The following ELAVL2 variants were observed in gnomAD, a reference collection of about 807,000 sequenced individuals.
The protein encoded by ELAVL2 is ELAV-like protein 2.
Under a neutral mutation model 34.6 loss-of-function variants are expected in ELAVL2, and 4 were observed. That is an observed-to-expected ratio of 0.12 (90% CI 0.06 to 0.26). The LOEUF is 0.26. Among genes scored for constraint, ELAVL2 ranks in the 10% least tolerant of loss-of-function variants. The pLI is 1.00. For synonymous variants in ELAVL2, 193 were observed against 154.8 expected (o/e 1.25, Z -1.83); for missense variants, 432 against 442.8 (o/e 0.98, Z 0.22).
At chr9:23,763,783 G>C (rs1262455999) in intron 1 of ELAVL2, among the ~76,000 whole-genome samples, 1 of 152,004 alleles carries the variant, frequency 6.6e-6, no homozygotes, top group Non-Finnish European at 1.5e-5. Context: ...AAAAACATGA[G>C]GCAAAATCCA....
chr9:23,710,400 C>A (rs2040602064), intron 3 of ELAVL2, among the ~76,000 whole-genome samples: 1 of 152,188 alleles, frequency 6.6e-6, no homozygotes, highest in South Asian at 2.1e-4. Flanking sequence ...TGCTTTCGTC[C>A]AAACACACAA....
At chr9:23,832,280 A>C in the ELAVL2 span, 1 of 152,178 alleles carries the variant, frequency 6.6e-6, no homozygotes, top group African/African-American at 2.4e-5. Flanking sequence ...TACAGGAATA[A>C]CAGTTATTTT....
At chr9:23,783,945 A>C (rs1272409273) in intron 1 of ELAVL2, among the ~76,000 whole-genome samples, 1 of 151,834 alleles carries the variant, frequency 6.6e-6, no homozygotes, top group Non-Finnish European at 1.5e-5. Context: ...CTGTAATCCC[A>C]GCACTTTGGG....
chr9:23,729,498 A>AT (rs1410447778), intron 3 of ELAVL2, among the ~76,000 whole-genome samples: 7 of 152,172 alleles, frequency 4.6e-5, no homozygotes, highest in African/African-American at 1.7e-4. Flanking sequence ...GCAGAGAAAT[A>AT]TAGATAACGA....
intron 1 of ELAVL2, among the ~76,000 whole-genome samples, chr9:23,775,719 C>A (rs1056506786): frequency 6.6e-6 from 1 of 152,138 alleles, no homozygotes; most frequent in African/African-American, 2.4e-5. Flanking sequence ...TCCACATGCC[C>A]AGCACCCCCG....
intron 1 of ELAVL2, among the ~76,000 whole-genome samples, chr9:23,808,906 T>C (rs1197601874): frequency 2.0e-5 from 3 of 152,146 alleles, no homozygotes; most frequent in Non-Finnish European, 4.4e-5. Context: ...CATAGGGAAC[T>C]GGGGAGCTAC....
intron 1 of ELAVL2, among the ~76,000 whole-genome samples, chr9:23,810,435 TACA>T (rs1316881310): frequency 6.6e-6 from 1 of 152,032 alleles, no homozygotes; most frequent in African/African-American, 2.4e-5. Flanking sequence ...ATAATCCTGG[TACA>T]ACAACCCCAC....
upstream of ELAVL2, chr9:23,830,302 A>T (rs2065457174): frequency 6.6e-6 from 1 of 152,146 alleles, no homozygotes; most frequent in African/African-American, 2.4e-5. Context: ...CTATTTTGCG[A>T]AAGATTCTTT....
rs147394347 is a variant in ELAVL2 at position 23,701,452 on chromosome 9, T to A, written c.640A>T (p.Ile214Phe). The change falls in exon 5 of 7, where the codon ATC (isoleucine) becomes TTC (phenylalanine). Residue 214 changes from isoleucine (I) to phenylalanine (F), a missense_variant. Physicochemically the swap from Ile to Phe is conservative, Grantham distance 21. Transcript: ENST00000397312. ...GGAGACTGGTACAGCTGGGAAAGGA[T>A]GGCCTGATTGGTTTTTTGGCTTGGG... ...NNPSQKTNQA[I>F]LSQLYQSPNR... 3.1e-6 allele frequency: 5 copies of A among 1,614,132 alleles called. No individual in the cohort carries two copies. Among genetic ancestry groups the A allele is most frequent in the Non-Finnish European group, 4.2e-6 (5 of 1,180,016 alleles).
intron 1 of ELAVL2, among the ~76,000 whole-genome samples, chr9:23,780,634 G>C (rs560893668): frequency 6.6e-6 from 1 of 152,044 alleles, no homozygotes; most frequent in Admixed American, 6.6e-5. Flanking sequence ...AAAGAAATAA[G>C]AGTATTTGGT....
chr9:23,711,077 G>C (rs1426279195), intron 3 of ELAVL2, among the ~76,000 whole-genome samples: 1 of 151,992 alleles, frequency 6.6e-6, no homozygotes, highest in East Asian at 1.9e-4. Flanking sequence ...AATAAGGAAG[G>C]GCATATTTCA....
intron 1 of ELAVL2, among the ~76,000 whole-genome samples, chr9:23,792,073 C>G (rs1016606768): frequency 1.3e-5 from 2 of 152,152 alleles, no homozygotes; most frequent in African/African-American, 4.8e-5. Flanking sequence ...AACAGCACTT[C>G]AAGTAACTAC....
chr9:23,846,027 C>A, the ELAVL2 span, among the ~76,000 whole-genome samples: 7 of 151,778 alleles, frequency 4.6e-5, no homozygotes, highest in Non-Finnish European at 1.0e-4. Flanking sequence ...ATCTCTACTC[C>A]ACATCTAAGC....
intron 3 of ELAVL2, among the ~76,000 whole-genome samples, chr9:23,710,722 G>A (rs1311366481): frequency 3.3e-5 from 5 of 152,130 alleles, no homozygotes; most frequent in African/African-American, 9.7e-5. Context: ...ACAGTTAATT[G>A]CTGTTCATAT....
chr9:23,794,625 C>G (rs2060694689), intron 1 of ELAVL2, among the ~76,000 whole-genome samples: 1 of 152,184 alleles, frequency 6.6e-6, no homozygotes, highest in African/African-American at 2.4e-5. Flanking sequence ...CATCAAATAA[C>G]TACATTAGTC....
intron 1 of ELAVL2, among the ~76,000 whole-genome samples, chr9:23,812,728 C>CT (rs1564566807): frequency 6.7e-6 from 1 of 149,578 alleles, no homozygotes; most frequent in Non-Finnish European, 1.5e-5. Context: ...TGAGCATACA[C>CT]TTATACTAAC....
intron 1 of ELAVL2, among the ~76,000 whole-genome samples, chr9:23,816,650 G>C (rs984086389): frequency 6.6e-6 from 1 of 152,090 alleles, no homozygotes; most frequent in Non-Finnish European, 1.5e-5. Flanking sequence ...CACACGTTTA[G>C]GAGAAACTAT....
intron 1 of ELAVL2, among the ~76,000 whole-genome samples, chr9:23,816,581 C>A (rs1054171147): frequency 2.0e-5 from 3 of 151,944 alleles, no homozygotes; most frequent in African/African-American, 4.8e-5. Context: ...TACAGATGGT[C>A]CCCAATTTAT....
chr9:23,792,994 C>A lies in ELAVL2; in HGVS notation c.-15-30745G>T, dbSNP rs138651829. On this transcript the variant is annotated intron_variant, in intron 1 of 6. Transcript: ENST00000397312. The stretch of plus-strand genomic sequence containing the variant: ...TCCTCACTATGTTGTTGAGACTGGT[C>A]TTGAACTCCTGGCCTCAAGCAATCC... Among the ~76,000 whole-genome samples the A allele has an allele frequency of 9.4e-3, 1,431 of 152,196 alleles. 14 individuals are homozygous for A. The highest frequency in any genetic ancestry group is 0.03 in the African/African-American group (1,230 of 41,502).
Sources: gnomAD v4.1 joint callset for allele counts (sites outside exome capture counted in the v4.1 genomes callset) on GRCh38, gnomAD v4.1.1 for gene constraint, MANE v1.5 for transcripts, NCBI Gene and HGNC (gene_info 2026-07-23, HGNC 2026-07-21) for gene names.